ZNF614: variants seen among roughly 807,000 people sequenced by gnomAD.
The protein encoded by ZNF614 is zinc finger protein 614.
Under a neutral mutation model 12.8 loss-of-function variants are expected in ZNF614, and 11 were observed. That is an observed-to-expected ratio of 0.86 (90% CI 0.54 to 1.43). The LOEUF is 1.43. Among genes scored for constraint, ZNF614 ranks in the 40% most tolerant of loss-of-function variants. ZNF614 has a pLI of 0.00. For missense variants in ZNF614, 664 were observed against 708.8 expected, an observed-to-expected ratio of 0.94 and a Z score of 0.72; for synonymous variants, 237 against 237.5, an observed-to-expected ratio of 1.00 and a Z score of 0.02.
At position 52,016,017 on chromosome 19, in the gene ZNF614, A is replaced by G. The variant is rs563826556; in HGVS notation, c.1581T>C (p.Asn527=). 6 of 1,614,184 alleles carry G rather than the reference A, an allele frequency of 3.7e-6. No homozygotes were observed. In the East Asian group the frequency reaches 6.7e-5, roughly 18 times the overall value. The change falls in exon 5 of 5, where the codon AAT becomes AAC. Residue 527 remains asparagine, a synonymous_variant. Transcript: ENST00000270649. ...GKAFTTKSVL[N]VHQRTHTGER... ...CTCCTGTATGCGTTCTTTGATGTAC[A>G]TTGAGTACTGACTTTGTGGTGAAGG...
intron 1 of ZNF614, among the ~76,000 whole-genome samples, chr19:52,027,530 C>A (rs1210420042): frequency 6.6e-6 from 1 of 152,150 alleles, no homozygotes; most frequent in Non-Finnish European, 1.5e-5. Flanking sequence ...AGACCTTGGA[C>A]CACGTGGTAT....
intron 2 of ZNF614, among the ~76,000 whole-genome samples, chr19:52,022,596 A>T (rs58517279): frequency 0.019 from 2,542 of 133,204 alleles, 68 homozygotes; most frequent in African/African-American, 0.064. Context: ...TATATAATTT[A>T]AAAAAAAAAA....
chr19:52,022,530 G>A (rs1568515299), intron 2 of ZNF614, among the ~76,000 whole-genome samples: 1 of 149,352 alleles, frequency 6.7e-6, no homozygotes, highest in Admixed American at 6.8e-5. Context: ...CCCTCCCCAA[G>A]TTTGCATTTT....
rs564113834 is a variant in ZNF614, at chr19:52,023,931, C to G, written c.15+1800G>C. ...CACCTCTCCAACCAACCCCTGACCT[C>G]TGTGGAAGGGAGAGGTGATGGAAAT... On this transcript the variant is annotated intron_variant, in intron 2 of 4. Transcript: ENST00000270649. 5.3e-5 allele frequency among the ~76,000 whole-genome samples: 8 copies of G among 152,236 alleles called. No homozygotes were observed. The South Asian group carries it at 1.7e-3, about 32-fold the overall frequency.
At chr19:52,018,252 C>A in intron 3 of ZNF614, 116 bp downstream of exon 3, 2 of 1,548,494 alleles carry the variant, frequency 1.3e-6, no homozygotes, top group Non-Finnish European at 1.8e-6. Flanking sequence ...AGAGAGGGGA[C>A]TGAAAATGTA....
Sources: gnomAD v4.1 joint callset for allele counts (sites outside exome capture counted in the v4.1 genomes callset) on GRCh38, gnomAD v4.1.1 for gene constraint, MANE v1.5 for transcripts, NCBI Gene and HGNC (gene_info 2026-07-23, HGNC 2026-07-21) for gene names.